The following NF1 variants were observed in gnomAD, a reference collection of about 807,000 sequenced individuals.
NF1 encodes the protein neurofibromin.
In NF1, 122 loss-of-function variants were observed where a neutral mutation model predicts 325.7. The ratio of observed to expected loss-of-function variants is 0.37; its 90% CI spans 0.32 to 0.44. The LOEUF is 0.44. Among genes scored for constraint, NF1 ranks in the 20% least tolerant of loss-of-function variants. The pLI is 1.00. For missense variants in NF1, 2,140 were observed against 3,415.4 expected (o/e 0.63, Z 9.31); for synonymous variants, 1,091 against 1,186.0 (o/e 0.92, Z 1.65).
At chr17:31,304,765 A>G (rs774657450) in intron 36 of NF1, 2 of 1,614,028 alleles carry the variant, frequency 1.2e-6, no homozygotes, top group Non-Finnish European at 1.7e-6. Context: ...ATCTGCTAAA[A>G]GTGTGCTTTT....
intron 1 of NF1, among the ~76,000 whole-genome samples, chr17:31,114,861 GAAA>G (rs1294289177): frequency 1.3e-5 from 2 of 151,764 alleles, no homozygotes; most frequent in Non-Finnish European, 1.5e-5. Context: ...CTCAAAAAAA[GAAA>G]AAAAAGAATA....
Position 31,199,522 on chromosome 17 carries a change from T to G in NF1, c.889-900T>G, listed in dbSNP as rs1422559134. 1.3e-5 allele frequency among the ~76,000 whole-genome samples: 2 copies of G among 152,226 alleles called. 1 individual carries two copies. The highest frequency in any genetic ancestry group is 3.8e-4 in the East Asian group (2 of 5,202). On this transcript the variant is annotated intron_variant, in intron 8 of 57. Coordinates refer to ENST00000358273, the MANE Select transcript of NF1 (RefSeq NM_001042492.3). ...TTTTGGAGAATGTTCCATGTACACT[T>G]GAGAAGAATATATTGTGCTGGTGTT... is the stretch of plus-strand genomic sequence containing the variant.
At chr17:31,182,955 T>C (rs2066164926) in intron 8 of NF1, 1 of 590,530 alleles carries the variant, frequency 1.7e-6, no homozygotes, top group East Asian at 2.8e-5. Context: ...TTAAACGTAG[T>C]TTCTCTAATA....
chr17:31,170,512 A>C (rs1172166357), intron 5 of NF1, among the ~76,000 whole-genome samples: 1 of 152,218 alleles, frequency 6.6e-6, no homozygotes, highest in Non-Finnish European at 1.5e-5. Context: ...AAAGTCCCTT[A>C]ACCTTCCATT....
At chr17:31,298,890 C>A (rs755751894) in intron 36 of NF1, among the ~76,000 whole-genome samples, 3 of 152,062 alleles carry the variant, frequency 2.0e-5, no homozygotes, top group Non-Finnish European at 4.4e-5. Flanking sequence ...TTTTAGGAAA[C>A]CTCATTAAGT....
chr17:31,118,355 A>G (rs1336321596), intron 1 of NF1, among the ~76,000 whole-genome samples: 1 of 151,578 alleles, frequency 6.6e-6, no homozygotes, highest in Non-Finnish European at 1.5e-5. Flanking sequence ...GGTTTGTTAC[A>G]TAGCTATACT....
At position 31,297,713 on chromosome 17, in the gene NF1, A is replaced by G. The variant is rs551021964; in HGVS notation, c.4836-28107A>G. 5.9e-5 allele frequency among the ~76,000 whole-genome samples: 9 copies of G among 152,258 alleles called. No homozygotes were observed. The South Asian group carries it at 1.9e-3, about 32-fold the overall frequency. On this transcript the variant is annotated intron_variant, in intron 36 of 57. Transcript: ENST00000358273. Reference sequence around the variant, plus strand: ...ATTTTCATGTCACTTTTTTAATATTATAAAAAATCTGTTTTATGACTTTTA... The same window carrying G: ...ATTTTCATGTCACTTTTTTAATATTGTAAAAAATCTGTTTTATGACTTTTA...
At position 31,326,381 on chromosome 17, in the gene NF1, C is replaced by T. The variant is rs2069342671; in HGVS notation, c.5268+129C>T. The T allele has an allele frequency of 3.3e-6, 3 of 906,530 alleles. No individual in the cohort carries two copies. In the East Asian group the frequency reaches 7.8e-5, roughly 24 times the overall value. 56.2% of individuals were successfully genotyped at this position (906,530 alleles called of 1,614,324 possible). A position where few individuals can be genotyped will look rare whatever the true frequency, so the allele number is the denominator to read the frequency against. Reference sequence around the variant, plus strand: ...ATGTCACGTAAGGCTGTCGCGGTGGCTCACGCCTGTAATCCAAGCACTTTG... The same window carrying T: ...ATGTCACGTAAGGCTGTCGCGGTGGTTCACGCCTGTAATCCAAGCACTTTG... On this transcript the variant is annotated intron_variant, in intron 37 of 57. Transcript: ENST00000358273.
At chr17:31,121,192 C>T (rs1261296773) in intron 1 of NF1, among the ~76,000 whole-genome samples, 1 of 151,932 alleles carries the variant, frequency 6.6e-6, no homozygotes, top group Admixed American at 6.6e-5. Flanking sequence ...TCCAGGTGTT[C>T]AAAAAGAAAT....
chr17:31,295,285 T>C, intron 36 of NF1: 1 of 1,614,148 alleles, frequency 6.2e-7, no homozygotes. Flanking sequence ...GAGTTGCAGC[T>C]GCTGCTTCAT....
At chr17:31,245,309 T>G (rs544905649) in intron 29 of NF1, among the ~76,000 whole-genome samples, 1 of 152,326 alleles carries the variant, frequency 6.6e-6, no homozygotes, top group South Asian at 2.1e-4. Flanking sequence ...GTCTCTTCAA[T>G]TAGCCACATA....
intron 36 of NF1, chr17:31,305,268 G>T (rs756983686): frequency 6.2e-7 from 1 of 1,614,174 alleles, no homozygotes; most frequent in Non-Finnish European, 8.5e-7. Flanking sequence ...GGGAGGAGGT[G>T]TTGGCTATTG....
intron 39 of NF1, chr17:31,331,357 G>A (rs994382782): frequency 6.6e-6 from 1 of 152,170 alleles, no homozygotes; most frequent in African/African-American, 2.4e-5. Flanking sequence ...GTTCTTCCCA[G>A]ATTATTACAA....
intron 13 of NF1, 108 bp downstream of exon 13, chr17:31,214,693 A>G (rs1286302250): frequency 1.1e-6 from 1 of 948,372 alleles, no homozygotes; most frequent in Non-Finnish European, 1.6e-6. Context: ...GCACTTACTG[A>G]TCCTTTCTGA....
intron 8 of NF1, among the ~76,000 whole-genome samples, chr17:31,197,956 C>T (rs2905801): frequency 0.7 from 106,670 of 152,072 alleles, 37,672 homozygotes; most frequent in Middle Eastern, 0.84. Context: ...ATGGCTTTTA[C>T]GATGTTGAGG....
chr17:31,340,250 T>A, intron 46 of NF1: 1 of 518,532 alleles, frequency 1.9e-6, no homozygotes, highest in South Asian at 2.1e-5. Flanking sequence ...TCAACAAACC[T>A]TGGTGACTGG....
chr17:31,143,432 A>G (rs1916371157), intron 1 of NF1, among the ~76,000 whole-genome samples: 1 of 151,570 alleles, frequency 6.6e-6, no homozygotes, highest in Non-Finnish European at 1.5e-5. Flanking sequence ...ACCCCCAGCT[A>G]ATTTTTAAAT....
intron 20 of NF1, among the ~76,000 whole-genome samples, chr17:31,228,782 T>C (rs2067060031): frequency 6.6e-6 from 1 of 152,216 alleles, no homozygotes; most frequent in Non-Finnish European, 1.5e-5. Flanking sequence ...TTTCCAAGGT[T>C]CATCCATGTG....
At chr17:31,192,431 G>A (rs570021928) in intron 8 of NF1, among the ~76,000 whole-genome samples, 3 of 152,184 alleles carry the variant, frequency 2.0e-5, no homozygotes, top group East Asian at 1.9e-4. Context: ...AAATTTAGAC[G>A]TTGTCTGGTT....
Sources: gnomAD v4.1 joint callset for allele counts (sites outside exome capture counted in the v4.1 genomes callset) on GRCh38, gnomAD v4.1.1 for gene constraint, MANE v1.5 for transcripts, NCBI Gene and HGNC (gene_info 2026-07-23, HGNC 2026-07-21) for gene names.